SLC35F3: variants seen among roughly 807,000 people sequenced by gnomAD.
SLC35F3 encodes the protein solute carrier family 35 member F3, also known as putative thiamine transporter SLC35F3.
A neutral mutation model predicts 49.9 loss-of-function variants in SLC35F3; 25 were observed. The observed-to-expected ratio is 0.50, with a 90% CI of 0.37 to 0.70. The LOEUF is 0.70. Among genes scored for constraint, SLC35F3 ranks in the 30% least tolerant of loss-of-function variants. The pLI, the probability that SLC35F3 is intolerant of heterozygous loss-of-function variation, is 0.00. For missense variants in SLC35F3, 525 were observed against 639.8 expected (o/e 0.82, Z 1.94); for synonymous variants, 275 against 265.4 (o/e 1.04, Z -0.35).
chr1:233,913,453 G>A (rs752419851), intron 2 of SLC35F3, among the ~76,000 whole-genome samples: 4 of 152,138 alleles, frequency 2.6e-5, no homozygotes, highest in South Asian at 4.1e-4. Context: ...ACATAGTCAC[G>A]ACTAGTTTAA....
chr1:234,214,154 C>T lies in SLC35F3; in HGVS notation c.284-17263C>T. The T allele has an allele frequency of 9.5e-7, 1 of 1,052,196 alleles. No homozygotes were observed. Among genetic ancestry groups the T allele is most frequent in the South Asian group, 4.3e-5 (1 of 23,098 alleles). The allele number at this position is 1,052,196 out of a possible 1,614,324, so 65.2% of individuals were successfully genotyped here. A position where few individuals can be genotyped will look rare whatever the true frequency, so the allele number is the denominator to read the frequency against. On this transcript the variant is annotated intron_variant, in intron 2 of 7. Transcript: ENST00000366618. The surrounding 1 kb of genome is among the most constrained non-coding windows in gnomAD (Gnocchi z 8.0). ...ATGAGGGCTGCGGGGCTGGGCGTCC[C>T]GGGGAGGAGGGCGGAGCAGGTGAGC...
intron 2 of SLC35F3, among the ~76,000 whole-genome samples, chr1:233,961,487 C>T (rs996697877): frequency 1.5e-5 from 2 of 136,664 alleles, no homozygotes; most frequent in African/African-American, 2.8e-5. Context: ...GACAAAGTCT[C>T]GCTTTGTCCT....
chr1:234,275,763 A>ATATATATAT (rs1553260466), intron 3 of SLC35F3, among the ~76,000 whole-genome samples: 6 of 135,530 alleles, frequency 4.4e-5, no homozygotes, highest in African/African-American at 1.7e-4. Flanking sequence ...AAAAAAAAAA[A>ATATATATAT]ATATATATAT....
intron 3 of SLC35F3, among the ~76,000 whole-genome samples, chr1:234,275,058 C>T (rs563255738): frequency 6.8e-4 from 104 of 152,304 alleles, no homozygotes; most frequent in African/African-American, 2.2e-3. Context: ...CCTCCCTCAT[C>T]GGAAAATCCA....
intron 2 of SLC35F3, among the ~76,000 whole-genome samples, chr1:234,122,094 C>T (rs1227118837): frequency 6.6e-6 from 1 of 152,160 alleles, no homozygotes; most frequent in Non-Finnish European, 1.5e-5. Context: ...GCAATGGGAT[C>T]GCTGGGTCAA....
At chr1:234,016,404 GGATTA>G (rs1663803251) in intron 2 of SLC35F3, among the ~76,000 whole-genome samples, 1 of 152,120 alleles carries the variant, frequency 6.6e-6, no homozygotes, top group African/African-American at 2.4e-5. Context: ...ATCCATCAAT[GGATTA>G]ATGGATAAAG....
intron 2 of SLC35F3, among the ~76,000 whole-genome samples, chr1:234,196,803 G>T (rs565928368): frequency 1.3e-5 from 2 of 152,306 alleles, no homozygotes; most frequent in South Asian, 4.1e-4. Context: ...TTAGCCAGGC[G>T]TGGTGGCACA....
At chr1:233,935,325 T>G (rs1462687750) in intron 2 of SLC35F3, among the ~76,000 whole-genome samples, 1 of 151,810 alleles carries the variant, frequency 6.6e-6, no homozygotes, top group Non-Finnish European at 1.5e-5. Context: ...TCTTTTTGTG[T>G]CAGGCCATTA....
At chr1:234,117,615 A>G (rs1665508131) in intron 2 of SLC35F3, among the ~76,000 whole-genome samples, 1 of 146,510 alleles carries the variant, frequency 6.8e-6, no homozygotes, top group Non-Finnish European at 1.5e-5. Flanking sequence ...GGCTGGGCGC[A>G]GTGGCTCATG....
intron 2 of SLC35F3, among the ~76,000 whole-genome samples, chr1:233,911,141 G>C (rs888644962): frequency 6.6e-6 from 1 of 152,186 alleles, no homozygotes; most frequent in East Asian, 1.9e-4. Flanking sequence ...CTCATGGAAA[G>C]GCTGTCTTCC....
chr1:234,050,783 A>G (rs1488562943), intron 2 of SLC35F3, among the ~76,000 whole-genome samples: 1 of 152,210 alleles, frequency 6.6e-6, no homozygotes, highest in Non-Finnish European at 1.5e-5. Context: ...CTAACATTTA[A>G]GTCTTTAACC....
chr1:234,264,316 T>C (rs940998252), intron 3 of SLC35F3, among the ~76,000 whole-genome samples: 2 of 152,204 alleles, frequency 1.3e-5, no homozygotes, highest in Non-Finnish European at 2.9e-5. Context: ...TGCTGGATCA[T>C]GTTCATCGCT....
At chr1:234,191,963 A>T (rs111957131) in intron 2 of SLC35F3, among the ~76,000 whole-genome samples, 7,896 of 152,104 alleles carry the variant, frequency 0.052, 664 homozygotes, top group African/African-American at 0.18. Context: ...ATAATAATTT[A>T]AAAATTACCA....
chr1:233,954,076 G>T (rs535465319), intron 2 of SLC35F3, among the ~76,000 whole-genome samples: 1 of 150,666 alleles, frequency 6.6e-6, no homozygotes, highest in South Asian at 2.1e-4. Flanking sequence ...GCACAATCTC[G>T]GCTCACTGCA....
At chr1:234,092,310 G>A (rs1665055044) in intron 2 of SLC35F3, among the ~76,000 whole-genome samples, 1 of 152,178 alleles carries the variant, frequency 6.6e-6, no homozygotes, top group African/African-American at 2.4e-5. Flanking sequence ...GGAGTTGAAT[G>A]TTACTCTATT....
At position 234,230,511 on chromosome 1, in the gene SLC35F3, T is replaced by G. The variant is rs534928234; in HGVS notation, c.284-906T>G. On this transcript the variant is annotated intron_variant, in intron 2 of 7. Coordinates refer to ENST00000366618, the MANE Select transcript of SLC35F3 (RefSeq NM_173508.4). ...ACTGCCTTCTGGAAATTTGCATCCA[T>G]CCGTAGTTACACCCGACACAAGCTA... 2.0e-5 allele frequency among the ~76,000 whole-genome samples: 3 copies of G among 152,316 alleles called. No individual in the cohort carries two copies. The East Asian group carries it at 5.8e-4, about 29-fold the overall frequency.
At chr1:233,977,789 A>G (rs1663115057) in intron 2 of SLC35F3, among the ~76,000 whole-genome samples, 1 of 152,178 alleles carries the variant, frequency 6.6e-6, no homozygotes, top group African/African-American at 2.4e-5. Flanking sequence ...TCTGCGCTCA[A>G]GATGCAGATA....
intron 2 of SLC35F3, among the ~76,000 whole-genome samples, chr1:234,219,405 T>A (rs185080209): frequency 3.9e-4 from 59 of 152,294 alleles, no homozygotes; most frequent in Non-Finnish European, 7.2e-4. Flanking sequence ...GTGGCAAAAG[T>A]CATTCATGTA....
rs746437667 is a variant in SLC35F3 at position 234,320,458 on chromosome 1, T to C, written c.1237+271T>C. Among the ~76,000 whole-genome samples, 10 of 152,210 alleles carry C rather than the reference T, an allele frequency of 6.6e-5. No homozygotes were observed. The highest frequency in any genetic ancestry group is 1.5e-4 in the Non-Finnish European group (10 of 68,042). ...AGTTATATATGCAATATTTTCTCCATAATGGGCTGATTTTCACATACCACT... is the reference window on the plus strand; with the variant it reads ...AGTTATATATGCAATATTTTCTCCACAATGGGCTGATTTTCACATACCACT... On this transcript the variant is annotated intron_variant, in intron 7 of 7. Transcript: ENST00000366618. This position sits in a 1 kb window ranked among gnomAD's most constrained non-coding sequence, Gnocchi z 4.8.
Sources: allele counts gnomAD v4.1 joint callset (sites outside exome capture counted in the v4.1 genomes callset), GRCh38; gene constraint gnomAD v4.1.1; non-coding constraint Gnocchi (gnomAD v3.1); transcripts MANE v1.5; gene names NCBI Gene and HGNC (gene_info 2026-07-23, HGNC 2026-07-21).